Variants in HS2ST1 observed in about 807,000 individuals in gnomAD.
HS2ST1 encodes 2-O-sulfotransferase.
HS2ST1 carries 18 observed loss-of-function variants against 42.9 expected under a neutral mutation model. The observed-to-expected ratio is 0.42, with a 90% CI of 0.29 to 0.62. HS2ST1 has a LOEUF of 0.62. HS2ST1 is among the 20% of genes least tolerant of loss of function. The probability of loss-of-function intolerance (pLI) is 0.21; values close to 1 mark genes in which losing one functional copy is unlikely to be tolerated. For synonymous variants in HS2ST1, 146 were observed against 152.9 expected, an observed-to-expected ratio of 0.95 and a Z score of 0.33; for missense variants, 334 against 433.8, an observed-to-expected ratio of 0.77 and a Z score of 2.04.
rs1652296816 is a variant in HS2ST1 at position 87,104,875 on chromosome 1, A to G, written c.*179A>G. 1 of 535,040 alleles carries G rather than the reference A, an allele frequency of 1.9e-6. No individual in the cohort carries two copies. Among genetic ancestry groups the G allele is most frequent in the African/African-American group, 1.9e-5 (1 of 52,400 alleles). 33.1% of individuals were successfully genotyped at this position (535,040 alleles called of 1,614,324 possible). A position where few individuals can be genotyped will look rare whatever the true frequency, so the allele number is the denominator to read the frequency against. On this transcript the variant is annotated 3_prime_UTR_variant, in exon 7 of 7. Transcript: ENST00000370550. ...TACTGGCTGGCATTGTCAGTGTTCT[A>G]AGTTTCAGGCATTTTTATTTTTCCT...
At chr1:87,095,951 T>C (rs952759263) in intron 4 of HS2ST1, among the ~76,000 whole-genome samples, 1 of 151,230 alleles carries the variant, frequency 6.6e-6, no homozygotes, top group Non-Finnish European at 1.5e-5. Flanking sequence ...TGGCTTACTA[T>C]AGACAGCCGG....
intron 2 of HS2ST1, among the ~76,000 whole-genome samples, chr1:87,081,598 A>G (rs7519996): frequency 0.015 from 2,279 of 152,330 alleles, 62 homozygotes; most frequent in African/African-American, 0.052. Flanking sequence ...ACAAACTTCA[A>G]ATAAACAACC....
chr1:87,012,983 T>C (rs1649647525), intron 1 of HS2ST1, among the ~76,000 whole-genome samples: 1 of 152,254 alleles, frequency 6.6e-6, no homozygotes, highest in South Asian at 2.1e-4. Context: ...CTTGGACAGC[T>C]CTGCCTCTGT....
chr1:87,052,953 A>T (rs1351359657), intron 1 of HS2ST1, among the ~76,000 whole-genome samples: 2 of 152,214 alleles, frequency 1.3e-5, no homozygotes, highest in Non-Finnish European at 1.5e-5. Context: ...TGGAATTAGT[A>T]GCTAGGGAAT....
intron 1 of HS2ST1, among the ~76,000 whole-genome samples, chr1:86,999,509 C>T (rs911531769): frequency 1.3e-5 from 2 of 152,124 alleles, no homozygotes; most frequent in East Asian, 3.9e-4. Context: ...TTTACCATGT[C>T]ATTTGTTATA....
intron 3 of HS2ST1, among the ~76,000 whole-genome samples, chr1:87,088,201 A>G (rs1166687904): frequency 6.6e-6 from 1 of 151,986 alleles, no homozygotes; most frequent in Admixed American, 6.6e-5. Flanking sequence ...GCATTGTATA[A>G]GACTCTTAGC....
At chr1:87,101,837 A>G (rs143224065) in intron 5 of HS2ST1, among the ~76,000 whole-genome samples, 16 of 152,232 alleles carry the variant, frequency 1.1e-4, no homozygotes, top group Admixed American at 9.8e-4. Context: ...TTCTTACATT[A>G]CTGTGAAGGA....
intron 1 of HS2ST1, among the ~76,000 whole-genome samples, chr1:87,067,387 T>C (rs1394119806): frequency 6.6e-6 from 1 of 152,214 alleles, no homozygotes; most frequent in Non-Finnish European, 1.5e-5. Flanking sequence ...GAAGTGTCTG[T>C]TCATGTCCTT....
rs148454001 is a variant in HS2ST1, at chr1:87,091,009, C to T, written c.450-1522C>T. ...CCTCACCTCCCTAGCACTCCTTATT[C>T]CCTTTCACTGAATTATTTTTCTCCT... On this transcript the variant is annotated intron_variant, in intron 3 of 6. Transcript: ENST00000370550. Among the ~76,000 whole-genome samples the T allele has an allele frequency of 2.8e-3, 423 of 152,078 alleles. 1 individual carries two copies. Among genetic ancestry groups the T allele is most frequent in the African/African-American group, 9.7e-3 (402 of 41,506 alleles).
chr1:86,927,085 G>A (rs1660436767), intron 1 of HS2ST1, among the ~76,000 whole-genome samples: 1 of 152,134 alleles, frequency 6.6e-6, no homozygotes, highest in South Asian at 2.1e-4. Flanking sequence ...GAGCTAACTG[G>A]TCACATTCTT....
At chr1:87,031,218 G>T (rs1424526496) in intron 1 of HS2ST1, among the ~76,000 whole-genome samples, 1 of 152,132 alleles carries the variant, frequency 6.6e-6, no homozygotes, top group African/African-American at 2.4e-5. Context: ...TGGGATTTCA[G>T]GCATGTGCCA....
chr1:87,030,180 C>T (rs1049328960), intron 1 of HS2ST1, among the ~76,000 whole-genome samples: 3 of 152,046 alleles, frequency 2.0e-5, no homozygotes, highest in Non-Finnish European at 2.9e-5. Flanking sequence ...TTACCATGTG[C>T]GTTAAATTAG....
At chr1:86,932,844 C>T (rs572060086) in intron 1 of HS2ST1, among the ~76,000 whole-genome samples, 2 of 152,064 alleles carry the variant, frequency 1.3e-5, no homozygotes, top group African/African-American at 2.4e-5. Flanking sequence ...ATAATGTGCT[C>T]GTAAAATAAT....
intron 3 of HS2ST1, among the ~76,000 whole-genome samples, chr1:87,087,406 G>A (rs938403874): frequency 6.6e-6 from 1 of 152,024 alleles, no homozygotes; most frequent in African/African-American, 2.4e-5. Context: ...ATTCAGGCAC[G>A]TATCAGGTAT....
chr1:87,100,184 G>C (rs1652166452), intron 5 of HS2ST1, among the ~76,000 whole-genome samples: 1 of 152,202 alleles, frequency 6.6e-6, no homozygotes, highest in Non-Finnish European at 1.5e-5. Context: ...GAGGGCTGCA[G>C]TGCAACCCAG....
intron 1 of HS2ST1, among the ~76,000 whole-genome samples, chr1:86,990,834 ATATTTTT>A (rs1485449417): frequency 1.6e-4 from 3 of 18,232 alleles, no homozygotes; most frequent in Admixed American, 2.3e-3. Context: ...ATATATATAT[ATATTTTT>A]TTTTTTTTTT....
At chr1:87,098,369 A>T in intron 5 of HS2ST1, 1 of 968,498 alleles carries the variant, frequency 1.0e-6, no homozygotes, top group Middle Eastern at 5.3e-4. Flanking sequence ...AGCCAAGGTT[A>T]TGGCTGTGGT....
At chr1:87,006,256 T>C (rs1167847243) in intron 1 of HS2ST1, among the ~76,000 whole-genome samples, 1 of 152,116 alleles carries the variant, frequency 6.6e-6, no homozygotes, top group East Asian at 1.9e-4. Context: ...AATTTAGCAT[T>C]GACATGACCC....
At chr1:86,916,475 G>A (rs2102147845) in intron 1 of HS2ST1, among the ~76,000 whole-genome samples, 1 of 152,278 alleles carries the variant, frequency 6.6e-6, no homozygotes, top group East Asian at 1.9e-4. Context: ...CAAAAGCCTT[G>A]ACATTTTAAA....
Sources: gnomAD v4.1 joint callset for allele counts (sites outside exome capture counted in the v4.1 genomes callset) on GRCh38, gnomAD v4.1.1 for gene constraint, MANE v1.5 for transcripts, NCBI Gene and HGNC (gene_info 2026-07-23, HGNC 2026-07-21) for gene names.